The following TAFA1 variants were observed in gnomAD, a reference collection of about 807,000 sequenced individuals.
TAFA1 encodes TAFA chemokine like family member 1.
In TAFA1, 4 loss-of-function variants were observed where a neutral mutation model predicts 18.5. The observed-to-expected ratio is 0.22, with a 90% CI of 0.11 to 0.49. TAFA1 has a LOEUF of 0.49. TAFA1 is among the 20% of genes least tolerant of loss of function. The pLI is 0.98. For synonymous variants in TAFA1, 56 were observed against 55.2 expected, an observed-to-expected ratio of 1.01 and a Z score of -0.06; for missense variants, 147 against 169.0, an observed-to-expected ratio of 0.87 and a Z score of 0.72.
upstream of TAFA1, among the ~76,000 whole-genome samples, chr3:67,999,267 TCCCCCCCCC>T (rs66913469): frequency 0.021 from 2,957 of 143,180 alleles, 56 homozygotes; most frequent in African/African-American, 0.048. Flanking sequence ...ATTCTCTCTA[TCCCCCCCCC>T]CCCCCTCTCT....
chr3:68,345,822 G>A (rs1201390314), intron 2 of TAFA1, among the ~76,000 whole-genome samples: 12 of 152,156 alleles, frequency 7.9e-5, no homozygotes, highest in Non-Finnish European at 1.3e-4. Context: ...TTTTGAGATG[G>A]GGATAGGAAA....
intron 3 of TAFA1, among the ~76,000 whole-genome samples, chr3:68,460,291 T>C (rs2071749914): frequency 6.6e-6 from 1 of 152,154 alleles, no homozygotes. Flanking sequence ...CTAGACCATC[T>C]GATAAATCCA....
intron 2 of TAFA1, among the ~76,000 whole-genome samples, chr3:68,018,854 G>A (rs1469161844): frequency 6.6e-6 from 1 of 152,176 alleles, no homozygotes; most frequent in Admixed American, 6.5e-5. Context: ...GCCAGCTTCT[G>A]AATAATGGCT....
chr3:68,352,131 C>G (rs1241030796), intron 2 of TAFA1, among the ~76,000 whole-genome samples: 1 of 151,956 alleles, frequency 6.6e-6, no homozygotes, highest in Non-Finnish European at 1.5e-5. Flanking sequence ...AAGTCACTAA[C>G]CACCCTCTTG....
At chr3:68,486,240 G>A (rs1364730607) in intron 3 of TAFA1, among the ~76,000 whole-genome samples, 2 of 151,808 alleles carry the variant, frequency 1.3e-5, no homozygotes, top group Non-Finnish European at 1.5e-5. Flanking sequence ...GATTACAGAT[G>A]TGGGCCACCA....
chr3:68,530,423 T>C (rs1215959779), intron 3 of TAFA1, among the ~76,000 whole-genome samples: 1 of 152,226 alleles, frequency 6.6e-6, no homozygotes, highest in East Asian at 1.9e-4. Context: ...TCAAGACTCA[T>C]GATTAAAGAA....
At chr3:68,487,866 G>T (rs2072376006) in intron 3 of TAFA1, among the ~76,000 whole-genome samples, 1 of 147,706 alleles carries the variant, frequency 6.8e-6, no homozygotes, top group African/African-American at 2.5e-5. Flanking sequence ...GAAACATTTA[G>T]AGTGTTGTAG....
At chr3:68,544,367 C>A in intron 4 of TAFA1, 119 bp from the exon 5 acceptor site, 1 of 972,134 alleles carries the variant, frequency 1.0e-6, no homozygotes, top group South Asian at 1.5e-5. Flanking sequence ...CTTCAGATCA[C>A]CTGAAAAAAA....
chr3:68,185,163 C>A (rs781073805), intron 2 of TAFA1, among the ~76,000 whole-genome samples: 17 of 151,990 alleles, frequency 1.1e-4, no homozygotes, highest in Non-Finnish European at 5.9e-5. Flanking sequence ...TGGGAGACAG[C>A]AAGAAGGGTA....
intron 3 of TAFA1, among the ~76,000 whole-genome samples, chr3:68,436,717 CA>C (rs1340281714): frequency 1.3e-5 from 2 of 152,004 alleles, no homozygotes; most frequent in Admixed American, 1.3e-4. Flanking sequence ...GAATTGAACC[CA>C]AATGTGGAAC....
intron 2 of TAFA1, among the ~76,000 whole-genome samples, chr3:68,392,632 G>C (rs1004094395): frequency 6.6e-6 from 1 of 151,990 alleles, no homozygotes; most frequent in Non-Finnish European, 1.5e-5. Context: ...CTCAGCAAAT[G>C]CAAAAAAACG....
At chr3:68,368,427 C>T (rs181670838) in intron 2 of TAFA1, among the ~76,000 whole-genome samples, 20 of 152,182 alleles carry the variant, frequency 1.3e-4, no homozygotes, top group Admixed American at 7.8e-4. Flanking sequence ...ATCACTAGAC[C>T]GCAAAATCAT....
chr3:67,991,609 C>A, the TAFA1 span, among the ~76,000 whole-genome samples: 47 of 152,320 alleles, frequency 3.1e-4, no homozygotes, highest in African/African-American at 1.1e-3. Flanking sequence ...GAACCCCAGG[C>A]TCTCCAGCCT....
At chr3:68,403,366 T>G (rs1228703225) in intron 2 of TAFA1, among the ~76,000 whole-genome samples, 1 of 152,226 alleles carries the variant, frequency 6.6e-6, no homozygotes, top group Non-Finnish European at 1.5e-5. Flanking sequence ...AAAAGTTTAT[T>G]GCTTGATCAT....
chr3:68,543,819 C>G (rs2073415450), intron 4 of TAFA1, among the ~76,000 whole-genome samples: 1 of 152,100 alleles, frequency 6.6e-6, no homozygotes. Context: ...ATTAAGACAT[C>G]TACAGCAACA....
intron 2 of TAFA1, among the ~76,000 whole-genome samples, chr3:68,027,135 G>A (rs757761066): frequency 1.3e-5 from 2 of 152,004 alleles, no homozygotes; most frequent in Non-Finnish European, 2.9e-5. Flanking sequence ...CTCCCACCAG[G>A]CCCCACCTGC....
chr3:68,484,615 T>A (rs1399348078), intron 3 of TAFA1, among the ~76,000 whole-genome samples: 2 of 151,524 alleles, frequency 1.3e-5, no homozygotes, highest in South Asian at 2.1e-4. Flanking sequence ...GAATGAGGAG[T>A]TTGGGTTTAG....
At chr3:68,517,462 C>T (rs2072940327) in intron 3 of TAFA1, among the ~76,000 whole-genome samples, 1 of 152,096 alleles carries the variant, frequency 6.6e-6, no homozygotes, top group South Asian at 2.1e-4. Context: ...GTTTATAAAC[C>T]AAGACTACCC....
At chr3:68,133,890 T>C (rs1343485335) in intron 2 of TAFA1, among the ~76,000 whole-genome samples, 2 of 151,888 alleles carry the variant, frequency 1.3e-5, no homozygotes, top group East Asian at 3.9e-4. Context: ...AAAAGGGTAG[T>C]TCTAAATAAA....
Sources: allele counts gnomAD v4.1 joint callset (sites outside exome capture counted in the v4.1 genomes callset), GRCh38; gene constraint gnomAD v4.1.1; transcripts MANE v1.5; gene names NCBI Gene and HGNC (gene_info 2026-07-23, HGNC 2026-07-21).